The following TRIM26 variants were observed in gnomAD, a reference collection of about 807,000 sequenced individuals.
TRIM26 encodes the protein tripartite motif containing 26.
Under a neutral mutation model 45.5 loss-of-function variants are expected in TRIM26, and 16 were observed. The ratio of observed to expected loss-of-function variants is 0.35; its 90% confidence interval spans 0.24 to 0.53. The LOEUF (loss-of-function observed/expected upper bound fraction) is 0.53, where lower values mean the gene tolerates loss of function less well. Ranked by LOEUF, TRIM26 falls within the 20% of genes least tolerant of loss-of-function variation. The pLI is 0.92. For missense variants in TRIM26, 442 were observed against 691.1 expected, an observed-to-expected ratio of 0.64 and a Z score of 4.04; for synonymous variants, 273 against 290.4, an observed-to-expected ratio of 0.94 and a Z score of 0.61.
rs761690595 is a variant in TRIM26, at chr6:30,185,800, G to C, written c.*76C>G. Reference sequence around the variant, plus strand: ...TCCAGGTGCTTAGGCCAGGCATCCCGTCCCCCCATTGAGAGTCCTGGAATT... The same window carrying C: ...TCCAGGTGCTTAGGCCAGGCATCCCCTCCCCCCATTGAGAGTCCTGGAATT... On this transcript the variant is annotated 3_prime_UTR_variant, in exon 10 of 10. Coordinates refer to ENST00000454678, the MANE Select transcript of TRIM26 (RefSeq NM_003449.5). This position sits in a 1 kb window ranked among gnomAD's most constrained non-coding sequence, Gnocchi z 5.7. 3 of 1,503,276 alleles carry C rather than the reference G, an allele frequency of 2.0e-6. No individual in the cohort carries two copies. Among genetic ancestry groups the C allele is most frequent in the Non-Finnish European group, 2.7e-6 (3 of 1,115,228 alleles). 93.1% of individuals were successfully genotyped at this position (1,503,276 alleles called of 1,614,324 possible). A position where few individuals can be genotyped will look rare whatever the true frequency, so the allele number is the denominator to read the frequency against.
In TRIM26 at chr6:30,198,431, G is replaced by A; in HGVS notation, c.532C>T (p.Leu178=). The change falls in exon 5 of 10, where the codon CTG becomes TTG. Residue 178 remains leucine, a splice_region_variant and synonymous_variant. Transcript: ENST00000454678. The surrounding 1 kb of genome is among the most constrained non-coding windows in gnomAD (Gnocchi z 6.3). The part of the protein sequence containing the change: ...AKGEADILAA[L]KKLQDQRQYI... ...CTTCCTGAAACAGCCTCACTTACCAGCGCGGCCAGGATATCAGCTTCTCCC... is the reference window on the plus strand; with the variant it reads ...CTTCCTGAAACAGCCTCACTTACCAACGCGGCCAGGATATCAGCTTCTCCC... 2 of 1,613,064 alleles carry A rather than the reference G, an allele frequency of 1.2e-6. No homozygotes were observed. Among genetic ancestry groups the A allele is most frequent in the Non-Finnish European group, 1.7e-6 (2 of 1,180,044 alleles).
chr6:30,187,995 GGATCAC>G (rs1438587958), intron 9 of TRIM26, among the ~76,000 whole-genome samples: 2 of 146,772 alleles, frequency 1.4e-5, no homozygotes, highest in Non-Finnish European at 3.0e-5. Flanking sequence ...CGAGGCGGGT[GGATCAC>G]GAGGTCAGGA....
chr6:30,186,493 C>T lies in TRIM26; in HGVS notation c.1003G>A (p.Val335Met). The change falls in exon 10 of 10, where the codon GTG becomes ATG. Residue 335 changes from valine to methionine, a missense_variant. Transcript: ENST00000454678. The surrounding 1 kb of genome is among the most constrained non-coding windows in gnomAD (Gnocchi z 7.4). Reference sequence around the variant, plus strand: ...CTCTTGTACAGGCTGGTGTAGGTCACGCACTTCCAGTCCTCTGACAGCTGC... The same window carrying T: ...CTCTTGTACAGGCTGGTGTAGGTCATGCACTTCCAGTCCTCTGACAGCTGC... ...YLQLSEDWKC[V>M]TYTSLYKSAY... 2 of 1,548,988 alleles carry T rather than the reference C, an allele frequency of 1.3e-6. No individual in the cohort carries two copies. The highest frequency in any genetic ancestry group is 8.7e-7 in the Non-Finnish European group (1 of 1,147,926).
intron 5 of TRIM26, among the ~76,000 whole-genome samples, chr6:30,197,959 G>C (rs930514812): frequency 6.6e-6 from 1 of 152,178 alleles, no homozygotes; most frequent in Non-Finnish European, 1.5e-5. Context: ...TACATACAGT[G>C]CCATCAGAAT....
chr6:30,211,172 T>C (rs1342300287), intron 1 of TRIM26, among the ~76,000 whole-genome samples: 1 of 151,954 alleles, frequency 6.6e-6, no homozygotes, highest in Non-Finnish European at 1.5e-5. Flanking sequence ...CTTTCCCACA[T>C]TAAAATTCTG....
chr6:30,213,340 A>G lies in TRIM26; in HGVS notation c.-411T>C, dbSNP rs3094615. ...CTCCGGGCCGCGAATCCCGGCCGGC[A>G]CCCCTCCTCTCTCACGGCGGTCTGT... On this transcript the variant is annotated 5_prime_UTR_variant, in exon 1 of 10. Transcript: ENST00000454678. 64,370 of 152,028 alleles carry G rather than the reference A, an allele frequency of 0.42. 13,773 individuals are homozygous for G. The highest frequency in any genetic ancestry group is 0.45 in the Non-Finnish European group (30,514 of 68,020). 9.4% of individuals were successfully genotyped at this position (152,028 alleles called of 1,614,324 possible).
Position 30,190,122 on chromosome 6 carries a change from G to T in TRIM26, c.766-87C>A. Reference sequence around the variant, plus strand: ...GCACCCAACACTGTAGCAGAGATGGGACATATCAGTGAACAAAACAAATGT... The same window carrying T: ...GCACCCAACACTGTAGCAGAGATGGTACATATCAGTGAACAAAACAAATGT... On this transcript the variant is annotated intron_variant, in intron 6 of 9. Coordinates refer to ENST00000454678, the MANE Select transcript of TRIM26 (RefSeq NM_003449.5). This position sits in a 1 kb window ranked among gnomAD's most constrained non-coding sequence, Gnocchi z 4.3. 7.0e-7 allele frequency: 1 copy of T among 1,438,840 alleles called. No homozygotes were observed. The highest frequency in any genetic ancestry group is 9.7e-7 in the Non-Finnish European group (1 of 1,029,236). 89.1% of individuals were successfully genotyped at this position (1,438,840 alleles called of 1,614,324 possible). A position where few individuals can be genotyped will look rare whatever the true frequency, so the allele number is the denominator to read the frequency against.
At chr6:30,200,250 C>A (rs1238850924) in intron 3 of TRIM26, among the ~76,000 whole-genome samples, 1 of 152,132 alleles carries the variant, frequency 6.6e-6, no homozygotes, top group African/African-American at 2.4e-5. Flanking sequence ...CTACTACACT[C>A]CAGACTGGGC....
chr6:30,204,456 G>A (rs2284168), intron 2 of TRIM26, among the ~76,000 whole-genome samples, 200 bp downstream of exon 2: 17,638 of 152,230 alleles, frequency 0.12, 1,547 homozygotes, highest in African/African-American at 0.24. Flanking sequence ...TTTCACATAT[G>A]GGGTGAGCAA....
At chr6:30,188,581 T>A (rs191524052) in intron 9 of TRIM26, 6 of 235,820 alleles carry the variant, frequency 2.5e-5, no homozygotes, top group African/African-American at 9.1e-5. Context: ...GTGAACTAGA[T>A]GAAGCTCTCA....
At chr6:30,199,446 G>T in intron 3 of TRIM26, among the ~76,000 whole-genome samples, 182 bp from the exon 4 acceptor site, 1 of 152,090 alleles carries the variant, frequency 6.6e-6, no homozygotes, top group East Asian at 1.9e-4. Flanking sequence ...CTATCTGTTG[G>T]AAAATCGCTG....
intron 9 of TRIM26, among the ~76,000 whole-genome samples, chr6:30,188,079 C>T (rs1033920378): frequency 4.7e-5 from 7 of 149,984 alleles, no homozygotes; most frequent in East Asian, 1.9e-4. Context: ...ATTAGCCGGG[C>T]GAGGTGGCGG....
Position 30,196,727 on chromosome 6 carries a change from C to T in TRIM26, c.554G>A (p.Arg185Lys), listed in dbSNP as rs1288566330. The change falls in exon 6 of 10, where the codon AGG (arginine) becomes AAG (lysine). Residue 185 changes from arginine to lysine, a missense_variant. Coordinates refer to ENST00000454678, the MANE Select transcript of TRIM26 (RefSeq NM_003449.5). This position sits in a 1 kb window ranked among gnomAD's most constrained non-coding sequence, Gnocchi z 4.9. ...LAALKKLQDQ[R>K]QYIVAEFEQG... ...CTCAAACTCAGCCACAATGTACTGCCTCTGGTCCTGGAGCTTCTTCTGCAG... is the reference window on the plus strand; with the variant it reads ...CTCAAACTCAGCCACAATGTACTGCTTCTGGTCCTGGAGCTTCTTCTGCAG... 1.9e-6 allele frequency: 3 copies of T among 1,614,128 alleles called. No individual in the cohort carries two copies. In the South Asian group the frequency reaches 3.3e-5, roughly 18 times the overall value.
chr6:30,203,254 A>G (rs1348828903), intron 2 of TRIM26, among the ~76,000 whole-genome samples: 10 of 151,958 alleles, frequency 6.6e-5, no homozygotes, highest in Non-Finnish European at 1.5e-4. Flanking sequence ...TATATTGCCC[A>G]GGCTGGTCTC....
At chr6:30,197,489 C>T (rs1776612734) in intron 5 of TRIM26, among the ~76,000 whole-genome samples, 1 of 152,152 alleles carries the variant, frequency 6.6e-6, no homozygotes, top group Non-Finnish European at 1.5e-5. Context: ...CCTCAACATA[C>T]ACAGTTCCCC....
chr6:30,211,119 A>T (rs1778244394), intron 1 of TRIM26, among the ~76,000 whole-genome samples: 1 of 152,150 alleles, frequency 6.6e-6, no homozygotes, highest in Non-Finnish European at 1.5e-5. Flanking sequence ...CTAATTCCAG[A>T]GCCCTGCCAT....
intron 2 of TRIM26, among the ~76,000 whole-genome samples, chr6:30,201,541 T>C (rs1003198018): frequency 2.0e-5 from 3 of 152,082 alleles, no homozygotes; most frequent in Non-Finnish European, 4.4e-5. Context: ...ATGTTAGTAA[T>C]GCTGGTAGAA....
chr6:30,192,329 G>A lies in TRIM26; in HGVS notation c.766-2294C>T, dbSNP rs769694083. On this transcript the variant is annotated intron_variant, in intron 6 of 9. Transcript: ENST00000454678. Reference sequence around the variant, plus strand: ...GGGGGTGTACAGCAGGAGAAGCAGGGTACAAGCATGCCACCTGATCCTGCA... The same window carrying A: ...GGGGGTGTACAGCAGGAGAAGCAGGATACAAGCATGCCACCTGATCCTGCA... Among the ~76,000 whole-genome samples the A allele has an allele frequency of 5.3e-5, 8 of 152,136 alleles. No individual in the cohort carries two copies. The South Asian group carries it at 6.2e-4, about 12-fold the overall frequency.
chr6:30,201,953 G>C (rs1777220329), intron 2 of TRIM26, among the ~76,000 whole-genome samples: 1 of 152,214 alleles, frequency 6.6e-6, no homozygotes, highest in Non-Finnish European at 1.5e-5. Context: ...GTAACATACT[G>C]CAAGTGTTTG....
Sources: allele counts gnomAD v4.1 joint callset (sites outside exome capture counted in the v4.1 genomes callset), GRCh38; gene constraint gnomAD v4.1.1; non-coding constraint Gnocchi (gnomAD v3.1); transcripts MANE v1.5; gene names NCBI Gene and HGNC (gene_info 2026-07-23, HGNC 2026-07-21).